CPSF7: variants seen among roughly 807,000 people sequenced by gnomAD.
CPSF7 encodes the protein cleavage and polyadenylation specific factor 7.
In CPSF7, 1 loss-of-function variant was observed where a neutral mutation model predicts 44.3. That is an observed-to-expected ratio of 0.02 (90% confidence interval 0.01 to 0.11). The LOEUF (loss-of-function observed/expected upper bound fraction) is 0.11. CPSF7 is among the 10% of genes least tolerant of loss of function. The pLI is 1.00. For synonymous variants in CPSF7, 202 were observed against 222.0 expected (o/e 0.91, Z 0.80); for missense variants, 443 against 607.2 (o/e 0.73, Z 2.84).
intron 7 of CPSF7, among the ~76,000 whole-genome samples, chr11:61,414,884 T>C (rs1021115647): frequency 6.6e-6 from 1 of 152,240 alleles, no homozygotes; most frequent in South Asian, 2.1e-4. Context: ...TGCCTCTTTT[T>C]AGGATAGGCT....
At chr11:61,411,234 A>AG (rs1465310969) in intron 8 of CPSF7, 129 bp from the exon 9 acceptor site, 1 of 916,762 alleles carries the variant, frequency 1.1e-6, no homozygotes, top group African/African-American at 1.7e-5. Context: ...CTGCTGTCTG[A>AG]GGATTTTAGC....
At chr11:61,417,023 T>C (rs769923625) in intron 5 of CPSF7, among the ~76,000 whole-genome samples, 1 of 151,858 alleles carries the variant, frequency 6.6e-6, no homozygotes, top group Admixed American at 6.6e-5. Context: ...AGAGAGGGAG[T>C]GGCAGGAACT....
At chr11:61,427,785 T>C (rs756136926) in intron 2 of CPSF7, among the ~76,000 whole-genome samples, 39 of 152,284 alleles carry the variant, frequency 2.6e-4, no homozygotes, top group Non-Finnish European at 4.4e-4. Context: ...AGCTGTATAA[T>C]GGGTACAAGG....
chr11:61,408,917 C>T (rs980386354), intron 9 of CPSF7, among the ~76,000 whole-genome samples: 18 of 152,178 alleles, frequency 1.2e-4, no homozygotes, highest in Non-Finnish European at 2.4e-4. Context: ...GGCTTCATGC[C>T]CATAATCCCA....
chr11:61,405,661 T>G (rs549335712), intron 9 of CPSF7, among the ~76,000 whole-genome samples: 40 of 152,306 alleles, frequency 2.6e-4, no homozygotes, highest in Non-Finnish European at 4.9e-4. Context: ...GAATTAGAAT[T>G]TCTCCTAATG....
intron 2 of CPSF7, chr11:61,426,508 T>G (rs1044816982): frequency 1.3e-5 from 2 of 152,210 alleles, no homozygotes; most frequent in Non-Finnish European, 2.9e-5. Flanking sequence ...GCCCGTTGGA[T>G]ATATGTATCT....
intron 9 of CPSF7, among the ~76,000 whole-genome samples, chr11:61,407,652 T>C (rs1859441966): frequency 6.6e-6 from 1 of 152,218 alleles, no homozygotes; most frequent in African/African-American, 2.4e-5. Flanking sequence ...ACTCTAGGAT[T>C]TTGTGGAATA....
At chr11:61,412,066 A>G in intron 7 of CPSF7, 129 bp from the exon 8 acceptor site, 1 of 692,242 alleles carries the variant, frequency 1.4e-6, no homozygotes, top group Non-Finnish European at 2.4e-6. Flanking sequence ...TAAAAGAGAC[A>G]AGGCAGATGT....
chr11:61,422,289 T>G (rs986737062), intron 2 of CPSF7, among the ~76,000 whole-genome samples: 2 of 151,718 alleles, frequency 1.3e-5, no homozygotes, highest in Non-Finnish European at 2.9e-5. Flanking sequence ...ACAGGCCCAA[T>G]GCATTACCAT....
chr11:61,406,565 G>A (rs1325737482), intron 9 of CPSF7, among the ~76,000 whole-genome samples: 2 of 152,066 alleles, frequency 1.3e-5, no homozygotes, highest in Admixed American at 6.6e-5. Context: ...TATATCAAAC[G>A]GGTGACCAGG....
chr11:61,421,198 A>G (rs1370439905), intron 3 of CPSF7, 192 bp downstream of exon 3: 11 of 1,136,454 alleles, frequency 9.7e-6, no homozygotes, highest in Non-Finnish European at 1.4e-5. Context: ...CCACTTAATC[A>G]TTGCTTTCTT....
chr11:61,404,341 G>A lies in CPSF7; in HGVS notation c.*369C>T, dbSNP rs1418537715. Reference sequence around the variant, plus strand: ...ATGGAGGATCTATTTTCTTTGGGAAGGAAGTCTTCCCATCAACCTCACCAT... The same window carrying A: ...ATGGAGGATCTATTTTCTTTGGGAAAGAAGTCTTCCCATCAACCTCACCAT... On this transcript the variant is annotated 3_prime_UTR_variant, in exon 10 of 10. Transcript: ENST00000439958. 1 of 152,586 alleles carries A rather than the reference G, an allele frequency of 6.6e-6. No individual in the cohort carries two copies. The highest frequency in any genetic ancestry group is 1.5e-5 in the Non-Finnish European group (1 of 68,056). 9.5% of individuals were successfully genotyped at this position (152,586 alleles called of 1,614,324 possible).
intron 2 of CPSF7, among the ~76,000 whole-genome samples, chr11:61,423,765 T>C (rs1861111860): frequency 6.6e-6 from 1 of 152,202 alleles, no homozygotes; most frequent in Non-Finnish European, 1.5e-5. Context: ...TAACTGCTAA[T>C]TCTGAAGTGA....
chr11:61,421,851 A>G (rs979319815), intron 2 of CPSF7, among the ~76,000 whole-genome samples: 2 of 152,202 alleles, frequency 1.3e-5, no homozygotes, highest in African/African-American at 4.8e-5. Flanking sequence ...GCTTTAGCCA[A>G]CGGCAAGAAT....
chr11:61,413,763 C>T (rs559328400), intron 7 of CPSF7, among the ~76,000 whole-genome samples: 6 of 152,010 alleles, frequency 3.9e-5, no homozygotes, highest in Non-Finnish European at 8.8e-5. Context: ...CAAGCTAAGT[C>T]AAGAGCATTA....
intron 5 of CPSF7, among the ~76,000 whole-genome samples, chr11:61,418,352 C>T (rs1226440589): frequency 6.6e-6 from 1 of 152,108 alleles, no homozygotes; most frequent in Non-Finnish European, 1.5e-5. Context: ...GAAGGTCTTG[C>T]AGGGTGGCTG....
chr11:61,410,346 AGTGCTGGGATCATAG>A (rs1859744789), intron 9 of CPSF7, among the ~76,000 whole-genome samples: 1 of 152,172 alleles, frequency 6.6e-6, no homozygotes, highest in Admixed American at 6.5e-5. Flanking sequence ...GGCCTCCCAA[AGTGCTGGGATCATAG>A]GTGTGAGCCA....
At chr11:61,413,976 G>A (rs1860081118) in intron 7 of CPSF7, among the ~76,000 whole-genome samples, 1 of 151,932 alleles carries the variant, frequency 6.6e-6, no homozygotes, top group East Asian at 1.9e-4. Context: ...AAGTATTTGT[G>A]GTTTGAATGA....
Position 61,428,646 on chromosome 11 carries a change from C to A in CPSF7, c.54+536G>T, listed in dbSNP as rs144132106. 1.7e-3 allele frequency among the ~76,000 whole-genome samples: 255 copies of A among 152,214 alleles called. 1 individual carries two copies. Among genetic ancestry groups the A allele is most frequent in the Middle Eastern group, 3.4e-3 (1 of 294 alleles). ...AAGGTAACCAATACAATTTATTATA[C>A]CAAAATGCCTGTGGACTTCTCATGA... On this transcript the variant is annotated intron_variant, in intron 2 of 9. Transcript: ENST00000439958.
Sources: allele counts gnomAD v4.1 joint callset (sites outside exome capture counted in the v4.1 genomes callset), GRCh38; gene constraint gnomAD v4.1.1; transcripts MANE v1.5; gene names NCBI Gene and HGNC (gene_info 2026-07-23, HGNC 2026-07-21).